The following SMURF2 variants were observed in gnomAD, a reference collection of about 807,000 sequenced individuals.
The protein encoded by SMURF2 is E3 ubiquitin-protein ligase SMURF2.
SMURF2 carries 48 observed loss-of-function variants against 109.6 expected under a neutral mutation model. The ratio of observed to expected loss-of-function variants is 0.44; its 90% CI spans 0.35 to 0.56. The LOEUF (loss-of-function observed/expected upper bound fraction) is 0.56. Ranked by LOEUF, SMURF2 falls within the 20% of genes least tolerant of loss-of-function variation. The pLI, the probability that SMURF2 is intolerant of heterozygous loss-of-function variation, is 0.01. For missense variants in SMURF2, 575 were observed against 909.0 expected (o/e 0.63, Z 4.72); for synonymous variants, 288 against 317.1 (o/e 0.91, Z 0.97).
At chr17:64,597,223 G>C (rs184871703) in intron 3 of SMURF2, among the ~76,000 whole-genome samples, 1 of 151,914 alleles carries the variant, frequency 6.6e-6, no homozygotes, top group Admixed American at 6.6e-5. Flanking sequence ...GGGCAATATA[G>C]CAAGACCCCA....
chr17:64,635,267 C>T (rs576176262), intron 1 of SMURF2, among the ~76,000 whole-genome samples: 4 of 151,940 alleles, frequency 2.6e-5, no homozygotes, highest in African/African-American at 9.7e-5. Context: ...GTGGAGGTTG[C>T]GGTGAGCCGA....
At chr17:64,550,333 C>T in intron 16 of SMURF2, among the ~76,000 whole-genome samples, 1 of 152,274 alleles carries the variant, frequency 6.6e-6, no homozygotes, top group South Asian at 2.1e-4. Flanking sequence ...AATTTGGGAC[C>T]TTTAATAGAA....
At chr17:64,577,244 G>A (rs1302837993) in intron 9 of SMURF2, among the ~76,000 whole-genome samples, 1 of 152,020 alleles carries the variant, frequency 6.6e-6, no homozygotes, top group South Asian at 2.1e-4. Context: ...ATGAGTTCAT[G>A]TCCTTTGTAG....
chr17:64,638,192 A>T (rs567932204), intron 1 of SMURF2, among the ~76,000 whole-genome samples: 24 of 151,732 alleles, frequency 1.6e-4, no homozygotes, highest in African/African-American at 5.3e-4. Context: ...CAGCCTCCCA[A>T]GTAGCTAGGA....
At chr17:64,650,362 A>AT (rs1228167583) in intron 1 of SMURF2, among the ~76,000 whole-genome samples, 1 of 142,174 alleles carries the variant, frequency 7.0e-6, no homozygotes, top group East Asian at 2.0e-4. Flanking sequence ...TTTTTTTGGT[A>AT]TTTTCACACC....
Position 64,633,806 on chromosome 17 carries a change from C to CA in SMURF2, c.53-27167_53-27166insT, listed in dbSNP as rs143012915. 4.2e-4 allele frequency among the ~76,000 whole-genome samples: 64 copies of CA among 151,910 alleles called. No individual in the cohort carries two copies. The East Asian group carries it at 0.012, about 28-fold the overall frequency. Reference sequence around the variant, plus strand: ...TACCAAGAGATTAGCCCCCCACCCCCCAAAAAAATGTTGTGAAGAGTTTTA... The same window carrying CA: ...TACCAAGAGATTAGCCCCCCACCCCCACAAAAAAATGTTGTGAAGAGTTTTA... On this transcript the variant is annotated intron_variant, in intron 1 of 18. Transcript: ENST00000262435.
At chr17:64,583,625 T>C in intron 6 of SMURF2, 81 bp from the exon 7 acceptor site, 1 of 1,028,936 alleles carries the variant, frequency 9.7e-7, no homozygotes, top group Non-Finnish European at 1.5e-6. Context: ...AGACATCTGC[T>C]GTTACAAATC....
intron 1 of SMURF2, among the ~76,000 whole-genome samples, chr17:64,618,022 G>C (rs1250298770): frequency 6.6e-6 from 1 of 152,172 alleles, no homozygotes. Flanking sequence ...CAGAATTATA[G>C]ATTTTATTCT....
Position 64,543,807 on chromosome 17 carries a change from G to A in SMURF2, c.*2041C>T, listed in dbSNP as rs1351833652. On this transcript the variant is annotated 3_prime_UTR_variant, in exon 19 of 19. Coordinates refer to ENST00000262435, the MANE Select transcript of SMURF2 (RefSeq NM_022739.4). ...CACTAGTGCTTTAATATAAAAGAGA[G>A]ATGGGTCTGCAACCAGTAAAGTACT... 1.3e-5 allele frequency: 2 copies of A among 152,204 alleles called. No individual in the cohort carries two copies. The highest frequency in any genetic ancestry group is 2.9e-5 in the Non-Finnish European group (2 of 68,038). 9.4% of individuals were successfully genotyped at this position (152,204 alleles called of 1,614,324 possible). A position where few individuals can be genotyped will look rare whatever the true frequency, so the allele number is the denominator to read the frequency against.
intron 10 of SMURF2, among the ~76,000 whole-genome samples, chr17:64,569,460 CAA>C (rs1211109288): frequency 6.6e-6 from 1 of 151,754 alleles, no homozygotes; most frequent in Non-Finnish European, 1.5e-5. Flanking sequence ...TATAAATTAA[CAA>C]AAAAAGTTGA....
At chr17:64,631,278 GGGGGAGAGAGAGAGAGAGAGA>G (rs1970338309) in intron 1 of SMURF2, among the ~76,000 whole-genome samples, 1 of 30,418 alleles carries the variant, frequency 3.3e-5, no homozygotes, top group Non-Finnish European at 8.4e-5. Flanking sequence ...GAGAGGGGGG[GGGGGAGAGAGAGAGAGAGAGA>G]GAGAGAGAGA....
chr17:64,626,145 G>A (rs1970266079), intron 1 of SMURF2, among the ~76,000 whole-genome samples: 2 of 151,624 alleles, frequency 1.3e-5, no homozygotes, highest in Non-Finnish European at 2.9e-5. Flanking sequence ...TGTAATCCCA[G>A]CTACTCGGGT....
Position 64,567,059 on chromosome 17 carries a change from T to C in SMURF2, c.1017-4093A>G, listed in dbSNP as rs137894117. On this transcript the variant is annotated intron_variant, in intron 10 of 18. Coordinates refer to ENST00000262435, the MANE Select transcript of SMURF2 (RefSeq NM_022739.4). ...TTTTTTTGTAGAGACAGGTTTGTCA[T>C]GTTGGCCAGGCTGATCTCCAACTCC... 6.3e-3 allele frequency among the ~76,000 whole-genome samples: 951 copies of C among 151,660 alleles called. 5 individuals are homozygous for C. Among genetic ancestry groups the C allele is most frequent in the Non-Finnish European group, 1.0e-2 (677 of 67,880 alleles).
At position 64,547,307 on chromosome 17, in the gene SMURF2, C is replaced by T. The variant is rs946081704; in HGVS notation, c.2071+293G>A. Among the ~76,000 whole-genome samples the T allele has an allele frequency of 6.6e-6, 1 of 152,132 alleles. No homozygotes were observed. On this transcript the variant is annotated intron_variant, in intron 17 of 18. Transcript: ENST00000262435. This position sits in a 1 kb window ranked among gnomAD's most constrained non-coding sequence, Gnocchi z 4.2. ...AACATGGAAGTGAACGACTTCCCTACAGGAATGTGCAACAGAATTAAAAGT... is the reference window on the plus strand; with the variant it reads ...AACATGGAAGTGAACGACTTCCCTATAGGAATGTGCAACAGAATTAAAAGT...
intron 2 of SMURF2, among the ~76,000 whole-genome samples, chr17:64,605,839 A>T (rs1437596267): frequency 6.1e-5 from 9 of 147,838 alleles, no homozygotes; most frequent in African/African-American, 2.2e-4. Context: ...AACAGCACAC[A>T]TAGCCCGTGA....
intron 9 of SMURF2, among the ~76,000 whole-genome samples, chr17:64,576,102 G>A (rs1284650650): frequency 1.3e-5 from 2 of 151,966 alleles, no homozygotes; most frequent in Admixed American, 6.5e-5. Context: ...CTATTCAGGA[G>A]GCTGAGGTGG....
chr17:64,591,287 A>T (rs1969748432), intron 4 of SMURF2, 138 bp from the exon 5 acceptor site: 9 of 613,230 alleles, frequency 1.5e-5, no homozygotes, highest in Non-Finnish European at 2.5e-5. Flanking sequence ...TCAAAAACCA[A>T]ACACTGGTGT....
intron 5 of SMURF2, 49 bp downstream of exon 5, chr17:64,591,035 T>C: frequency 1.5e-6 from 2 of 1,362,588 alleles, no homozygotes; most frequent in Non-Finnish European, 2.1e-6. Context: ...TTTTACACTT[T>C]AGGTCAGTTT....
In SMURF2 at chr17:64,607,996, CATAAATAAATAAATAAATAA is replaced by C. The variant is rs55747507; in HGVS notation, c.53-1376_53-1357del. Reference sequence around the variant, plus strand: ...CCTGGGCGACAGAGCAAGACTCTGTCATAAATAAATAAATAAATAAATAAATAAATAAATAAATAAATAAA... The same window carrying C: ...CCTGGGCGACAGAGCAAGACTCTGTCATAAATAAATAAATAAATAAATAAA... On this transcript the variant is annotated intron_variant, in intron 1 of 18. Coordinates refer to ENST00000262435, the MANE Select transcript of SMURF2 (RefSeq NM_022739.4). Among the ~76,000 whole-genome samples the C allele has an allele frequency of 2.2e-3, 305 of 135,698 alleles. 1 individual carries two copies. The highest frequency in any genetic ancestry group is 7.8e-3 in the African/African-American group (282 of 36,314). 89.0% of individuals were successfully genotyped at this position (135,698 alleles called of 152,430 possible). A position where few individuals can be genotyped will look rare whatever the true frequency, so the allele number is the denominator to read the frequency against.
Sources: allele counts gnomAD v4.1 joint callset (sites outside exome capture counted in the v4.1 genomes callset), GRCh38; gene constraint gnomAD v4.1.1; non-coding constraint Gnocchi (gnomAD v3.1); transcripts MANE v1.5; gene names NCBI Gene and HGNC (gene_info 2026-07-23, HGNC 2026-07-21).